The following ZNF343 variants were observed in gnomAD, a reference collection of about 807,000 sequenced individuals.
The protein encoded by ZNF343 is zinc finger protein 343.
Under a neutral mutation model 13.8 loss-of-function variants are expected in ZNF343, and 11 were observed. That is an observed-to-expected ratio of 0.80 (90% CI 0.50 to 1.32). The LOEUF (loss-of-function observed/expected upper bound fraction) is 1.32, where lower values mean the gene tolerates loss of function less well. Among genes scored for constraint, ZNF343 ranks in the 40% most tolerant of loss-of-function variants. ZNF343 has a pLI of 0.00. For synonymous variants in ZNF343, 248 were observed against 260.0 expected (o/e 0.95, Z 0.44); for missense variants, 658 against 714.2 (o/e 0.92, Z 0.90).
At chr20:2,507,826 G>A (rs1400875881) in intron 1 of ZNF343, among the ~76,000 whole-genome samples, 1 of 151,996 alleles carries the variant, frequency 6.6e-6, no homozygotes, top group African/African-American at 2.4e-5. Flanking sequence ...TTGTCCCTAC[G>A]AAAAAATTAA....
At chr20:2,519,240 G>C (rs1252091868) in intron 1 of ZNF343, among the ~76,000 whole-genome samples, 1 of 152,030 alleles carries the variant, frequency 6.6e-6, no homozygotes, top group African/African-American at 2.4e-5. Flanking sequence ...CCCACACCCT[G>C]CCACAGACTC....
chr20:2,502,162 G>A (rs1412684328), intron 1 of ZNF343, among the ~76,000 whole-genome samples: 9 of 152,210 alleles, frequency 5.9e-5, no homozygotes, highest in African/African-American at 1.9e-4. Context: ...ACTACGTGAC[G>A]AATGCACAAG....
At chr20:2,504,528 T>A (rs1267897091) in intron 1 of ZNF343, among the ~76,000 whole-genome samples, 3 of 152,198 alleles carry the variant, frequency 2.0e-5, no homozygotes, top group Non-Finnish European at 2.9e-5. Context: ...ATATCCCTGA[T>A]GAACATCGAT....
intron 5 of ZNF343, chr20:2,486,897 T>G (rs1327324564): frequency 2.6e-5 from 4 of 152,194 alleles, no homozygotes; most frequent in Admixed American, 2.6e-4. Context: ...GTTGGCCAAT[T>G]TTTTCTGTAA....
At chr20:2,497,856 AC>A (rs1036264087) in intron 2 of ZNF343, among the ~76,000 whole-genome samples, 4 of 151,128 alleles carry the variant, frequency 2.6e-5, no homozygotes, top group Non-Finnish European at 5.9e-5. Flanking sequence ...CTCAATCTGA[AC>A]CCCCCGTACC....
At chr20:2,507,031 G>A (rs11906134) in intron 1 of ZNF343, among the ~76,000 whole-genome samples, 127 of 152,018 alleles carry the variant, frequency 8.4e-4, no homozygotes, top group African/African-American at 2.9e-3. Flanking sequence ...TGGGAGGCCC[G>A]GGGCAGGCAG....
At position 2,483,848 on chromosome 20, in the gene ZNF343, G is replaced by A. The variant is rs2085228946; in HGVS notation, c.1113C>T (p.His371=). 6.2e-7 allele frequency: 1 copy of A among 1,613,970 alleles called. No individual in the cohort carries two copies. Among genetic ancestry groups the A allele is most frequent in the Non-Finnish European group, 8.5e-7 (1 of 1,179,938 alleles). The change falls in exon 6 of 6, where the codon CAC becomes CAT. Residue 371 remains histidine, a synonymous_variant. Transcript: ENST00000278772. ...GFSEKSSFIR[H]QRTHSGEKPY... Reference sequence around the variant, plus strand: ...GTTTCTCACCGGAGTGTGTCCTCTGGTGTCTGATGAAGGATGACTTCTCGC... The same window carrying A: ...GTTTCTCACCGGAGTGTGTCCTCTGATGTCTGATGAAGGATGACTTCTCGC...
upstream of ZNF343, among the ~76,000 whole-genome samples, chr20:2,512,735 C>G (rs1406739000): frequency 6.6e-6 from 1 of 151,982 alleles, no homozygotes; most frequent in Non-Finnish European, 1.5e-5. Flanking sequence ...TTTTCATTAC[C>G]TTGCATCTGA....
At chr20:2,494,743 T>C (rs923015425) in intron 2 of ZNF343, among the ~76,000 whole-genome samples, 11 of 149,462 alleles carry the variant, frequency 7.4e-5, no homozygotes, top group Admixed American at 5.3e-4. Context: ...CACTCTAGCC[T>C]GGACGGCAGG....
chr20:2,524,935 T>C (rs1402251280), upstream of ZNF343, among the ~76,000 whole-genome samples: 2 of 151,966 alleles, frequency 1.3e-5, no homozygotes, highest in African/African-American at 2.4e-5. Flanking sequence ...AGGTCCCGGC[T>C]CTCCATTCGA....
intron 1 of ZNF343, among the ~76,000 whole-genome samples, chr20:2,506,675 C>T (rs1367853534): frequency 2.6e-5 from 4 of 152,140 alleles, no homozygotes; most frequent in Non-Finnish European, 4.4e-5. Context: ...AAATATCATT[C>T]TCAGCAAACT....
chr20:2,483,524 G>A lies in ZNF343; in HGVS notation c.1437C>T (p.Leu479=), dbSNP rs1398246679. The part of the protein sequence containing the change: ...ECGRGFSRKS[L]LLVHQRTHSG... ...AGTGTGTCCTCTGGTGGACAAGGAG[G>A]AGTGATTTCCGACTAAAGCCTCGGC... The change falls in exon 6 of 6, where the codon CTC becomes CTT. Residue 479 remains leucine, a synonymous_variant. Coordinates refer to ENST00000278772, the MANE Select transcript of ZNF343 (RefSeq NM_024325.6). 1 of 1,611,378 alleles carries A rather than the reference G, an allele frequency of 6.2e-7. No homozygotes were observed. The highest frequency in any genetic ancestry group is 8.5e-7 in the Non-Finnish European group (1 of 1,179,504).
chr20:2,510,053 G>A (rs2085728985), upstream of ZNF343, among the ~76,000 whole-genome samples: 1 of 152,228 alleles, frequency 6.6e-6, no homozygotes, highest in South Asian at 2.1e-4. Flanking sequence ...CACCTTGGGA[G>A]TTTAGCTTAG....
chr20:2,484,508 C>G lies in ZNF343; in HGVS notation c.453G>C (p.Trp151Cys). The G allele has an allele frequency of 6.2e-7, 1 of 1,614,224 alleles. No individual in the cohort carries two copies. The highest frequency in any genetic ancestry group is 8.5e-7 in the Non-Finnish European group (1 of 1,180,044). Residue 151 changes from tryptophan to cysteine, a missense_variant, in exon 6 of 6, where the codon TGG (tryptophan) becomes TGC (cysteine). Trp to Cys is a radical substitution (Grantham distance 215, BLOSUM62 -2). Coordinates refer to ENST00000278772, the MANE Select transcript of ZNF343 (RefSeq NM_024325.6). Reference protein sequence around the residue: ...FHPGNSSPGHWKQQGQQYSHV... With the variant: ...FHPGNSSPGHCKQQGQQYSHV... The stretch of plus-strand genomic sequence containing the variant: ...GGGAATACTGCTGCCCCTGCTGTTT[C>G]CAATGCCCTGGGCTAGAATTCCCTG...
chr20:2,485,836 C>T (rs2085273042), intron 5 of ZNF343, among the ~76,000 whole-genome samples: 2 of 152,134 alleles, frequency 1.3e-5, no homozygotes, highest in Non-Finnish European at 2.9e-5. Flanking sequence ...TAGACTGAGC[C>T]GTATGTGCTC....
At chr20:2,513,048 C>T (rs1027374093), upstream of ZNF343, among the ~76,000 whole-genome samples, 3 of 151,986 alleles carry the variant, frequency 2.0e-5, no homozygotes, top group Non-Finnish European at 2.9e-5. Context: ...TGCAGTGAGC[C>T]ATGATTGTAC....
chr20:2,515,859 C>T (rs1363877284), intron 1 of ZNF343, among the ~76,000 whole-genome samples: 2 of 152,028 alleles, frequency 1.3e-5, no homozygotes, highest in African/African-American at 4.8e-5. Context: ...GAGCGTCACA[C>T]AGTCAGGGCG....
chr20:2,484,424 G>C lies in ZNF343; in HGVS notation c.537C>G (p.Pro179=), dbSNP rs2122544034. Residue 179 remains proline, a synonymous_variant, in exon 6 of 6, where the codon CCC becomes CCG. Coordinates refer to ENST00000278772, the MANE Select transcript of ZNF343 (RefSeq NM_024325.6). ...CTCTCTCCTCTGTCCTTGCAGACCA[G>C]GGTTTGGAGCCACCTCCTCTCTCCT... The part of the protein sequence containing the change: ...EGQERGGGSK[P]WSARTEERET... 2 of 1,614,206 alleles carry C rather than the reference G, an allele frequency of 1.2e-6. No individual in the cohort carries two copies. The highest frequency in any genetic ancestry group is 2.2e-5 in the South Asian group (2 of 91,086).
At position 2,483,021 on chromosome 20, in the gene ZNF343, A is replaced by T; in HGVS notation, c.*140T>A. Reference sequence around the variant, plus strand: ...TGAACGTGTCCCTCCCATGCCTGATAAGGGCTGACACATCTCTGGAACTTC... The same window carrying T: ...TGAACGTGTCCCTCCCATGCCTGATTAGGGCTGACACATCTCTGGAACTTC... On this transcript the variant is annotated 3_prime_UTR_variant, in exon 6 of 6. Coordinates refer to ENST00000278772, the MANE Select transcript of ZNF343 (RefSeq NM_024325.6). 1 of 1,030,614 alleles carries T rather than the reference A, an allele frequency of 9.7e-7. No homozygotes were observed. The highest frequency in any genetic ancestry group is 1.4e-6 in the Non-Finnish European group (1 of 719,398). The allele number at this position is 1,030,614 out of a possible 1,614,324, so 63.8% of individuals were successfully genotyped here.
Sources: gnomAD v4.1 joint callset for allele counts (sites outside exome capture counted in the v4.1 genomes callset) on GRCh38, gnomAD v4.1.1 for gene constraint, MANE v1.5 for transcripts, NCBI Gene and HGNC (gene_info 2026-07-23, HGNC 2026-07-21) for gene names.